Variants in SLCO3A1 observed in about 807,000 individuals in gnomAD.
SLCO3A1 encodes solute carrier organic anion transporter family member 3A1, also known as PGE1 transporter.
A neutral mutation model predicts 63.1 loss-of-function variants in SLCO3A1; 27 were observed. The ratio of observed to expected loss-of-function variants is 0.43; its 90% confidence interval spans 0.32 to 0.59. The LOEUF (loss-of-function observed/expected upper bound fraction) is 0.59. Ranked by LOEUF, SLCO3A1 falls within the 20% of genes least tolerant of loss-of-function variation. The pLI, the probability that SLCO3A1 is intolerant of heterozygous loss-of-function variation, is 0.09. For missense variants in SLCO3A1, 773 were observed against 945.8 expected, an observed-to-expected ratio of 0.82 and a Z score of 2.40; for synonymous variants, 473 against 409.9, an observed-to-expected ratio of 1.15 and a Z score of -1.86.
intron 2 of SLCO3A1, among the ~76,000 whole-genome samples, chr15:92,042,410 T>G (rs1458550175): frequency 6.6e-6 from 1 of 152,076 alleles, no homozygotes; most frequent in Non-Finnish European, 1.5e-5. Flanking sequence ...AAAATGATTT[T>G]GAGGGGATCC....
At chr15:91,924,818 G>A (rs576366697) in intron 2 of SLCO3A1, among the ~76,000 whole-genome samples, 7 of 152,208 alleles carry the variant, frequency 4.6e-5, no homozygotes, top group Admixed American at 6.5e-5. Flanking sequence ...CACGGTTCAA[G>A]GTTCCCCGAA....
rs573361755 is a variant in SLCO3A1 at position 91,976,399 on chromosome 15, A to G, written c.646+59941A>G. 3.4e-4 allele frequency among the ~76,000 whole-genome samples: 52 copies of G among 152,292 alleles called. 1 individual carries two copies. In the South Asian group the frequency reaches 8.9e-3, roughly 26 times the overall value. On this transcript the variant is annotated intron_variant, in intron 2 of 9. Transcript: ENST00000318445. Reference sequence around the variant, plus strand: ...ATGTAGCTACTTTATTTTTTTTAACATAGTAGAAAATGTACAGCGTATTTT... The same window carrying G: ...ATGTAGCTACTTTATTTTTTTTAACGTAGTAGAAAATGTACAGCGTATTTT...
chr15:92,074,323 A>G (rs74030465), intron 2 of SLCO3A1, among the ~76,000 whole-genome samples: 32 of 152,310 alleles, frequency 2.1e-4, no homozygotes, highest in African/African-American at 7.2e-4. Flanking sequence ...CACCAACCCG[A>G]AAGATGCAGT....
intron 2 of SLCO3A1, among the ~76,000 whole-genome samples, chr15:91,998,678 T>C (rs2046219467): frequency 6.6e-6 from 1 of 152,214 alleles, no homozygotes; most frequent in Non-Finnish European, 1.5e-5. Flanking sequence ...GGAATGCTTA[T>C]ACACTGTTGC....
chr15:91,992,561 A>G (rs959536031), intron 2 of SLCO3A1, among the ~76,000 whole-genome samples: 1 of 152,188 alleles, frequency 6.6e-6, no homozygotes, highest in African/African-American at 2.4e-5. Flanking sequence ...CCGTAGTAAG[A>G]TGTCAACCAT....
intron 2 of SLCO3A1, among the ~76,000 whole-genome samples, chr15:91,992,229 A>C (rs2046135296): frequency 1.3e-5 from 2 of 152,368 alleles, no homozygotes; most frequent in South Asian, 4.1e-4. Context: ...CAAGGAAGCC[A>C]CTGTAAAATG....
At chr15:92,094,396 G>A (rs568312172) in intron 2 of SLCO3A1, among the ~76,000 whole-genome samples, 77 of 152,276 alleles carry the variant, frequency 5.1e-4, no homozygotes, top group Admixed American at 9.2e-4. Flanking sequence ...AGTCTTGAAC[G>A]TTTTATTATA....
intron 4 of SLCO3A1, among the ~76,000 whole-genome samples, chr15:92,112,206 G>A (rs965088170): frequency 6.6e-6 from 1 of 152,184 alleles, no homozygotes; most frequent in Non-Finnish European, 1.5e-5. Context: ...AGAGACACAT[G>A]GACAGGAATG....
intron 1 of SLCO3A1, among the ~76,000 whole-genome samples, chr15:91,913,030 TTTG>T (rs1227395118): frequency 1.3e-5 from 2 of 152,268 alleles, no homozygotes; most frequent in Non-Finnish European, 2.9e-5. Flanking sequence ...AATAAATGAA[TTTG>T]TTTTTACTTG....
At chr15:91,889,241 G>C in intron 1 of SLCO3A1, 3 of 1,097,330 alleles carry the variant, frequency 2.7e-6, no homozygotes, top group African/African-American at 1.6e-5. Flanking sequence ...AAGGACTGTG[G>C]GTGGTCCTGC....
chr15:91,908,239 T>C (rs375538013), intron 1 of SLCO3A1, among the ~76,000 whole-genome samples: 60 of 138,552 alleles, frequency 4.3e-4, no homozygotes, highest in African/African-American at 1.5e-3. Context: ...ATGATGATGC[T>C]TTTGGTGTAG....
intron 2 of SLCO3A1, among the ~76,000 whole-genome samples, chr15:92,020,308 A>G (rs973912371): frequency 6.6e-6 from 1 of 151,988 alleles, no homozygotes; most frequent in Non-Finnish European, 1.5e-5. Flanking sequence ...TTTCCCCCAT[A>G]GCGCACATTT....
intron 2 of SLCO3A1, among the ~76,000 whole-genome samples, chr15:92,027,105 A>AG (rs1196702365): frequency 5.6e-5 from 8 of 142,560 alleles, no homozygotes; most frequent in African/African-American, 1.8e-4. Context: ...AAAAAAAAAA[A>AG]GGGGGGGTAC....
At chr15:92,025,453 G>T (rs756785565) in intron 2 of SLCO3A1, among the ~76,000 whole-genome samples, 56 of 152,224 alleles carry the variant, frequency 3.7e-4, no homozygotes, top group Admixed American at 1.0e-3. Context: ...TGCTCTTGCT[G>T]CTGCTGCTGC....
intron 4 of SLCO3A1, among the ~76,000 whole-genome samples, chr15:92,109,440 C>A (rs1192491085): frequency 6.6e-6 from 1 of 152,192 alleles, no homozygotes; most frequent in Non-Finnish European, 1.5e-5. Flanking sequence ...CCAGACACAG[C>A]TGCAGCCTAA....
At chr15:92,027,794 C>T (rs1316313975) in intron 2 of SLCO3A1, among the ~76,000 whole-genome samples, 11 of 152,184 alleles carry the variant, frequency 7.2e-5, no homozygotes, top group African/African-American at 2.2e-4. Flanking sequence ...AACAGGACCG[C>T]GTAAAATAAT....
chr15:91,971,251 C>T (rs1418265017), intron 2 of SLCO3A1, among the ~76,000 whole-genome samples: 2 of 151,770 alleles, frequency 1.3e-5, no homozygotes, highest in African/African-American at 2.4e-5. Context: ...AAAAATTAGC[C>T]GAGCATGGTG....
intron 2 of SLCO3A1, among the ~76,000 whole-genome samples, chr15:92,053,118 C>G (rs2046977404): frequency 6.6e-6 from 1 of 152,068 alleles, no homozygotes; most frequent in Non-Finnish European, 1.5e-5. Flanking sequence ...CATTGAGTGC[C>G]TGCTATGTGC....
chr15:91,861,173 C>T (rs1441374727), intron 1 of SLCO3A1, among the ~76,000 whole-genome samples: 1 of 152,178 alleles, frequency 6.6e-6, no homozygotes, highest in Non-Finnish European at 1.5e-5. Context: ...ACCTCAGAGC[C>T]CCAAAGCCGG....
Sources: gnomAD v4.1 joint callset for allele counts (sites outside exome capture counted in the v4.1 genomes callset) on GRCh38, gnomAD v4.1.1 for gene constraint, MANE v1.5 for transcripts, NCBI Gene and HGNC (gene_info 2026-07-23, HGNC 2026-07-21) for gene names.